The following UBTD1 variants were observed in gnomAD, a reference collection of about 807,000 sequenced individuals.
The protein encoded by UBTD1 is ubiquitin domain-containing protein 1.
UBTD1 carries 19 observed loss-of-function variants against 21.7 expected under a neutral mutation model. The observed-to-expected ratio is 0.87, with a 90% confidence interval of 0.61 to 1.28. The LOEUF (loss-of-function observed/expected upper bound fraction) is 1.28, where lower values mean the gene tolerates loss of function less well. UBTD1 is among the 50% of genes most tolerant of loss of function. The probability of loss-of-function intolerance (pLI) is 0.00; values close to 1 mark genes in which losing one functional copy is unlikely to be tolerated. For synonymous variants in UBTD1, 116 were observed against 135.1 expected (o/e 0.86, Z 0.98); for missense variants, 282 against 315.1 (o/e 0.89, Z 0.80).
chr10:97,505,350 G>A (rs2040393891), intron 1 of UBTD1, among the ~76,000 whole-genome samples: 1 of 152,220 alleles, frequency 6.6e-6, no homozygotes, highest in African/African-American at 2.4e-5. Context: ...TTGTGAGTGT[G>A]TGGAGGTCAA....
chr10:97,552,040 G>A (rs2135681077), intron 1 of UBTD1, among the ~76,000 whole-genome samples: 2 of 152,080 alleles, frequency 1.3e-5, no homozygotes, highest in South Asian at 4.2e-4. Context: ...GTCTCCCAAA[G>A]TGCGGGGGTT....
chr10:97,523,076 C>T (rs927386017), intron 1 of UBTD1, among the ~76,000 whole-genome samples: 3 of 152,206 alleles, frequency 2.0e-5, no homozygotes, highest in Non-Finnish European at 4.4e-5. Flanking sequence ...ATGCCTTCCT[C>T]TTCGGGCTGT....
At chr10:97,539,785 T>A (rs10882957) in intron 1 of UBTD1, among the ~76,000 whole-genome samples, 45,055 of 151,788 alleles carry the variant, frequency 0.3, 7,027 homozygotes, top group East Asian at 0.57. Flanking sequence ...GGGGATATGA[T>A]GTGTGGGAGG....
chr10:97,538,548 C>G (rs146097209), intron 1 of UBTD1, among the ~76,000 whole-genome samples: 1 of 152,252 alleles, frequency 6.6e-6, no homozygotes, highest in East Asian at 1.9e-4. Flanking sequence ...CAGCTTCAGC[C>G]CAGACAGTGA....
At chr10:97,565,623 G>C (rs2040713802) in intron 1 of UBTD1, among the ~76,000 whole-genome samples, 1 of 152,100 alleles carries the variant, frequency 6.6e-6, no homozygotes, top group Admixed American at 6.5e-5. Flanking sequence ...CCGCACTCCA[G>C]ACTGGGCGAC....
At chr10:97,533,834 A>G (rs1408405213) in intron 1 of UBTD1, among the ~76,000 whole-genome samples, 1 of 151,876 alleles carries the variant, frequency 6.6e-6, no homozygotes. Context: ...GAGGCAGGGG[A>G]ATCACTTGAA....
chr10:97,563,593 A>G (rs1589884489), intron 1 of UBTD1, among the ~76,000 whole-genome samples: 1 of 152,044 alleles, frequency 6.6e-6, no homozygotes, highest in African/African-American at 2.4e-5. Flanking sequence ...ATTGGAGGGT[A>G]CCCCGTCAGC....
At chr10:97,548,696 G>C (rs984108632) in intron 1 of UBTD1, among the ~76,000 whole-genome samples, 1 of 152,180 alleles carries the variant, frequency 6.6e-6, no homozygotes, top group East Asian at 1.9e-4. Context: ...AAAATCACTT[G>C]AACCCAGGAG....
rs771568078 is a variant in UBTD1 at position 97,567,978 on chromosome 10, G to T, written c.135G>T (p.Gly45=). ...AGAGCGACTACCCCATGACTGACGG[G>T]CAGCTGCGGAGCAAACGGGATGAGT... ...KWKSDYPMTD[G]QLRSKRDEFW... is the part of the protein sequence containing the mutation. Residue 45 remains glycine (G), a synonymous_variant, in exon 2 of 3, where the codon GGG becomes GGT. Transcript: ENST00000370664. 18 of 1,614,158 alleles carry T rather than the reference G, an allele frequency of 1.1e-5. No individual in the cohort carries two copies. In the Admixed American group the frequency reaches 3.0e-4, roughly 27 times the overall value.
Position 97,556,631 on chromosome 10 carries a change from G to A in UBTD1, c.71-11283G>A, listed in dbSNP as rs144707562. ...TTCCAATCACCTATGGCTATGCTTC[G>A]TTTTTCGCGGGAAGCATAGACTGGG... On this transcript the variant is annotated intron_variant, in intron 1 of 2. Coordinates refer to ENST00000370664, the MANE Select transcript of UBTD1 (RefSeq NM_024954.5). Among the ~76,000 whole-genome samples, 1,083 of 152,284 alleles carry A rather than the reference G, an allele frequency of 7.1e-3. 14 individuals carry two copies. Among genetic ancestry groups the A allele is most frequent in the African/African-American group, 0.025 (1,029 of 41,536 alleles).
chr10:97,567,453 G>A (rs954984856), intron 1 of UBTD1, among the ~76,000 whole-genome samples: 5 of 150,392 alleles, frequency 3.3e-5, no homozygotes, highest in Non-Finnish European at 7.4e-5. Context: ...GAGGTCAGGA[G>A]TTTGAGACCA....
chr10:97,538,702 T>C (rs956493991), intron 1 of UBTD1, among the ~76,000 whole-genome samples: 1 of 152,236 alleles, frequency 6.6e-6, no homozygotes, highest in Non-Finnish European at 1.5e-5. Context: ...TGTGGGCTTA[T>C]GAGAGTCTCT....
At chr10:97,501,844 T>C (rs928817036) in intron 1 of UBTD1, among the ~76,000 whole-genome samples, 1 of 152,172 alleles carries the variant, frequency 6.6e-6, no homozygotes, top group Admixed American at 6.5e-5. Context: ...GCCTGACAAG[T>C]CTGCCATTTC....
At chr10:97,567,477 G>A (rs1306038240) in intron 1 of UBTD1, among the ~76,000 whole-genome samples, 1 of 150,992 alleles carries the variant, frequency 6.6e-6, no homozygotes, top group Non-Finnish European at 1.5e-5. Context: ...TGACTAACAT[G>A]GTGAAACCCC....
intron 1 of UBTD1, among the ~76,000 whole-genome samples, chr10:97,515,404 G>A (rs530115668): frequency 1.0e-3 from 156 of 152,210 alleles, no homozygotes; most frequent in Non-Finnish European, 1.9e-3. Flanking sequence ...TTTGTAGAGC[G>A]CCAGCTTTGT....
Position 97,537,437 on chromosome 10 carries a change from A to G in UBTD1, c.71-30477A>G, listed in dbSNP as rs546550845. Reference sequence around the variant, plus strand: ...GCGACCTGCACATAGCTTGGAGGATACATGTGACCTGTGCTCTTGCACCTG... The same window carrying G: ...GCGACCTGCACATAGCTTGGAGGATGCATGTGACCTGTGCTCTTGCACCTG... On this transcript the variant is annotated intron_variant, in intron 1 of 2. Coordinates refer to ENST00000370664, the MANE Select transcript of UBTD1 (RefSeq NM_024954.5). Among the ~76,000 whole-genome samples, 360 of 152,332 alleles carry G rather than the reference A, an allele frequency of 2.4e-3. No individual in the cohort carries two copies. The Middle Eastern group carries it at 0.024, about 10-fold the overall frequency.
intron 1 of UBTD1, among the ~76,000 whole-genome samples, chr10:97,539,906 G>A (rs776356189): frequency 3.4e-5 from 5 of 148,348 alleles, no homozygotes; most frequent in Non-Finnish European, 4.5e-5. Context: ...CTTAAGCATT[G>A]CCAAATCAAA....
At chr10:97,529,245 T>C (rs1348001651) in intron 1 of UBTD1, among the ~76,000 whole-genome samples, 1 of 138,180 alleles carries the variant, frequency 7.2e-6, no homozygotes, top group East Asian at 2.2e-4. Context: ...CTAGGTGGGA[T>C]GGCGGCCGGG....
At chr10:97,540,074 C>G (rs1316492752) in intron 1 of UBTD1, among the ~76,000 whole-genome samples, 2 of 152,214 alleles carry the variant, frequency 1.3e-5, no homozygotes, top group African/African-American at 4.8e-5. Context: ...CATGGCACCA[C>G]CAGGGTTGGG....
Sources: allele counts gnomAD v4.1 joint callset (sites outside exome capture counted in the v4.1 genomes callset), GRCh38; gene constraint gnomAD v4.1.1; transcripts MANE v1.5; gene names NCBI Gene and HGNC (gene_info 2026-07-23, HGNC 2026-07-21).